Variants in C12orf76 observed in about 807,000 individuals in gnomAD.
C12orf76 encodes the protein chromosome 12 open reading frame 76, also known as uncharacterized protein C12orf76.
Under a neutral mutation model 6.8 loss-of-function variants are expected in C12orf76, and 6 were observed. The ratio of observed to expected loss-of-function variants is 0.88; its 90% CI spans 0.48 to 1.73. The LOEUF (loss-of-function observed/expected upper bound fraction) is 1.73. Ranked by LOEUF, C12orf76 falls within the 40% of genes most tolerant of loss-of-function variation. The pLI is 0.01. For missense variants in C12orf76, 99 were observed against 98.2 expected (o/e 1.01, Z -0.03); for synonymous variants, 56 against 43.7 (o/e 1.28, Z -1.11).
chr12:110,070,364 G>T (rs1020241451), upstream of C12orf76, among the ~76,000 whole-genome samples: 1 of 152,156 alleles, frequency 6.6e-6, no homozygotes, highest in Non-Finnish European at 1.5e-5. Context: ...AGGAGTTTGA[G>T]ACCAGCCTGG....
At chr12:110,042,697 T>C (rs538110397) in intron 1 of C12orf76, 4 of 656,062 alleles carry the variant, frequency 6.1e-6, no homozygotes, top group Non-Finnish European at 1.1e-5. Flanking sequence ...AGTAACATGC[T>C]AGGGATGGAG....
At chr12:110,055,214 C>CTT (rs1202961460) in intron 4 of C12orf76, among the ~76,000 whole-genome samples, 62 of 133,528 alleles carry the variant, frequency 4.6e-4, no homozygotes, top group Non-Finnish European at 5.8e-4. Flanking sequence ...TGAGACGAAG[C>CTT]TTTTTTTTTT....
upstream of C12orf76, among the ~76,000 whole-genome samples, chr12:110,071,467 C>T (rs1456091560): frequency 6.6e-6 from 1 of 151,850 alleles, no homozygotes; most frequent in East Asian, 1.9e-4. Context: ...AGTTATGGAG[C>T]TCTTATTCTA....
At chr12:110,063,568 G>A (rs1398254632) in intron 2 of C12orf76, among the ~76,000 whole-genome samples, 2 of 151,582 alleles carry the variant, frequency 1.3e-5, no homozygotes, top group African/African-American at 2.4e-5. Context: ...GGGATTACAG[G>A]TATAAGCCAC....
At chr12:110,065,202 G>A (rs1425929062) in intron 2 of C12orf76, among the ~76,000 whole-genome samples, 5 of 148,090 alleles carry the variant, frequency 3.4e-5, no homozygotes, top group East Asian at 2.0e-4. Flanking sequence ...ACTGAGTCTC[G>A]CTGTATCACC....
rs777080642 is a variant in C12orf76, at chr12:110,042,498, C to T, written c.134-39G>A. On this transcript the variant is annotated intron_variant, in intron 1 of 1. Transcript: ENST00000615315. The stretch of plus-strand genomic sequence containing the variant: ...ACAGGTTACTTCCTAATGGCAGCTC[C>T]AGGTTAGGCAATTCATCCACTCACT... The T allele has an allele frequency of 2.2e-6, 3 of 1,357,660 alleles. No individual in the cohort carries two copies. The South Asian group carries it at 3.5e-5, about 16-fold the overall frequency. The allele number at this position is 1,357,660 out of a possible 1,614,324, so 84.1% of individuals were successfully genotyped here.
upstream of C12orf76, among the ~76,000 whole-genome samples, chr12:110,069,112 G>C (rs1892929694): frequency 6.6e-6 from 1 of 152,122 alleles, no homozygotes; most frequent in Non-Finnish European, 1.5e-5. Flanking sequence ...GTTTTACATG[G>C]AGGTTATCTT....
upstream of C12orf76, among the ~76,000 whole-genome samples, chr12:110,054,107 A>G (rs556967436): frequency 2.8e-4 from 42 of 152,300 alleles, no homozygotes; most frequent in African/African-American, 9.6e-4. This position sits in a 1 kb window ranked among gnomAD's most constrained non-coding sequence, Gnocchi z 4.4. Context: ...AATTTTAAAA[A>G]TGGGATGCTT....
At position 110,042,350 on chromosome 12, in the gene C12orf76, C is replaced by T. The variant is rs370206147; in HGVS notation, c.*24G>A. On this transcript the variant is annotated 3_prime_UTR_variant, in exon 2 of 2. Coordinates refer to ENST00000615315, the MANE Select transcript of C12orf76 (RefSeq NM_001389625.1). ...ACACAACTTATCCTATTCCCAAATACTCATTGAAGAACTTGTCTGGCTGTC... is the reference window on the plus strand; with the variant it reads ...ACACAACTTATCCTATTCCCAAATATTCATTGAAGAACTTGTCTGGCTGTC... 3.1e-6 allele frequency: 5 copies of T among 1,600,852 alleles called. No individual in the cohort carries two copies. The African/African-American group carries it at 6.7e-5, about 21-fold the overall frequency.
chr12:110,068,314 AAGAAGAAGAAGAAGAAGG>A (rs1370324944), upstream of C12orf76, among the ~76,000 whole-genome samples: 5 of 142,366 alleles, frequency 3.5e-5, no homozygotes, highest in African/African-American at 1.3e-4. Context: ...GAAGAAGAAG[AAGAAGAAGAAGAAGAAGG>A]CGGCCAAATA....
chr12:110,057,679 A>C (rs193143061), intron 3 of C12orf76, among the ~76,000 whole-genome samples: 82 of 152,280 alleles, frequency 5.4e-4, no homozygotes, highest in African/African-American at 1.9e-3. Context: ...GGCTTTCAAC[A>C]ACACTAATGT....
intron 1 of C12orf76, chr12:110,067,396 C>G: frequency 1.0e-6 from 1 of 985,350 alleles, no homozygotes; most frequent in Non-Finnish European, 1.2e-6. Flanking sequence ...ACAGCCCAGA[C>G]AAGCCAGGAC....
intron 2 of C12orf76, among the ~76,000 whole-genome samples, chr12:110,061,132 A>C (rs1361339469): frequency 3.3e-5 from 5 of 151,668 alleles, no homozygotes; most frequent in Non-Finnish European, 7.4e-5. Flanking sequence ...AGATTCATAT[A>C]TCCAACCACC....
chr12:110,068,319 G>GAAGAAA (rs1892915574), upstream of C12orf76, among the ~76,000 whole-genome samples: 1 of 142,160 alleles, frequency 7.0e-6, no homozygotes, highest in African/African-American at 2.5e-5. Flanking sequence ...AGAAGAAGAA[G>GAAGAAA]AAGAAGAAGA....
At chr12:110,059,259 A>G in intron 2 of C12orf76, 2 of 1,363,156 alleles carry the variant, frequency 1.5e-6, no homozygotes, top group Non-Finnish European at 2.0e-6. Flanking sequence ...TCTATCTAAT[A>G]GTTTTCTTGT....
At chr12:110,047,764 C>A (rs1046741796) in intron 1 of C12orf76, among the ~76,000 whole-genome samples, 1 of 152,302 alleles carries the variant, frequency 6.6e-6, no homozygotes, top group East Asian at 1.9e-4. Context: ...ATACAAAGTG[C>A]GTAGCACAAG....
upstream of C12orf76, among the ~76,000 whole-genome samples, chr12:110,068,068 C>G (rs539629843): frequency 4.0e-5 from 6 of 151,816 alleles, no homozygotes; most frequent in Admixed American, 4.0e-4. Context: ...AAAAAATTAG[C>G]TGGGCGTAGT....
intron 2 of C12orf76, among the ~76,000 whole-genome samples, chr12:110,061,535 C>CT (rs111551192): frequency 0.012 from 1,708 of 142,800 alleles, 25 homozygotes; most frequent in African/African-American, 0.034. Context: ...ACACTGCATA[C>CT]TTTTTTTTTT....
upstream of C12orf76, among the ~76,000 whole-genome samples, chr12:110,070,107 T>A (rs1276720709): frequency 6.7e-6 from 1 of 150,270 alleles, no homozygotes; most frequent in East Asian, 2.0e-4. Flanking sequence ...AAAAATTAGC[T>A]GGGCGTGGTG....
Sources: allele counts gnomAD v4.1 joint callset (sites outside exome capture counted in the v4.1 genomes callset), GRCh38; gene constraint gnomAD v4.1.1; non-coding constraint Gnocchi (gnomAD v3.1); transcripts MANE v1.5; gene names NCBI Gene and HGNC (gene_info 2026-07-23, HGNC 2026-07-21).